BUB1B: variants seen among roughly 807,000 people sequenced by gnomAD.
BUB1B encodes BUB1 mitotic checkpoint serine/threonine kinase B.
BUB1B carries 86 observed loss-of-function variants against 137.7 expected under a neutral mutation model. That is an observed-to-expected ratio of 0.62 (90% CI 0.52 to 0.75). The LOEUF is 0.75. BUB1B is among the 30% of genes least tolerant of loss of function. The pLI is 0.00. For missense variants in BUB1B, 1,130 were observed against 1,236.9 expected, an observed-to-expected ratio of 0.91 and a Z score of 1.30; for synonymous variants, 420 against 417.9, an observed-to-expected ratio of 1.00 and a Z score of -0.06.
chr15:40,199,711 A>G lies in BUB1B; in HGVS notation c.1385A>G (p.Glu462Gly), dbSNP rs1363122158. 6.2e-7 allele frequency: 1 copy of G among 1,613,158 alleles called. No individual in the cohort carries two copies. The highest frequency in any genetic ancestry group is 1.1e-5 in the South Asian group (1 of 91,050). Reference sequence around the variant, plus strand: ...AAAGAAATCCAAACTACTCAGCAAGAAAGAACAGGTGATCAGGTAATTTTT... The same window carrying G: ...AAAGAAATCCAAACTACTCAGCAAGGAAGAACAGGTGATCAGGTAATTTTT... Reference protein sequence around the residue: ...KLKEIQTTQQERTGDQQEETM... With the variant: ...KLKEIQTTQQGRTGDQQEETM... Residue 462 changes from glutamate to glycine, a missense_variant, in exon 10 of 23, where the codon GAA becomes GGA. Glu to Gly is a moderately conservative substitution (Grantham distance 98). Transcript: ENST00000287598.
At chr15:40,202,124 A>C (rs1375528722) in intron 12 of BUB1B, among the ~76,000 whole-genome samples, 2 of 152,140 alleles carry the variant, frequency 1.3e-5, no homozygotes, top group African/African-American at 4.8e-5. Context: ...AAATATTTGC[A>C]GATAAAATGA....
intron 14 of BUB1B, among the ~76,000 whole-genome samples, chr15:40,203,189 T>C (rs994732327): frequency 6.6e-6 from 1 of 152,364 alleles, no homozygotes; most frequent in East Asian, 1.9e-4. Flanking sequence ...CAAAATGTTA[T>C]GTATCCATAC....
At chr15:40,213,582 T>C (rs977823127) in intron 20 of BUB1B, 108 bp downstream of exon 20, 20 of 1,256,374 alleles carry the variant, frequency 1.6e-5, no homozygotes, top group Non-Finnish European at 2.3e-5. Flanking sequence ...GTCACCTAGG[T>C]TGGAGTACAG....
chr15:40,218,466 T>C lies in BUB1B; in HGVS notation c.2861T>C (p.Phe954Ser). 1 of 1,613,110 alleles carries C rather than the reference T, an allele frequency of 6.2e-7. No individual in the cohort carries two copies. The highest frequency in any genetic ancestry group is 8.5e-7 in the Non-Finnish European group (1 of 1,179,156). The change falls in exon 22 of 23, where the codon TTT becomes TCT. Residue 954 changes from phenylalanine to serine, a missense_variant. By Grantham distance (155) the Phe-to-Ser change is radical (BLOSUM62 -2). Coordinates refer to ENST00000287598, the MANE Select transcript of BUB1B (RefSeq NM_001211.6). The stretch of plus-strand genomic sequence containing the variant: ...TTTTTGTGATTTCAGGTAGACCTGT[T>C]TGGTATAGCAGATTTAGCACATTTA... ...NCSSPYQVDL[F>S]GIADLAHLLL...
chr15:40,176,626 G>T lies in BUB1B; in HGVS notation c.534G>T (p.Gly178=). 6.2e-7 allele frequency: 1 copy of T among 1,614,078 alleles called. No homozygotes were observed. Among genetic ancestry groups the T allele is most frequent in the Non-Finnish European group, 8.5e-7 (1 of 1,180,014 alleles). ...FRKADAIFQE[G]IQQKAEPLER... ...AAGCAGATGCGATATTTCAGGAAGG[G>T]ATTCAACAGAAGGCTGAACCACTAG... Residue 178 remains glycine, a synonymous_variant, in exon 5 of 23, where the codon GGG becomes GGT. Transcript: ENST00000287598.
At position 40,213,362 on chromosome 15, in the gene BUB1B, C is replaced by T; in HGVS notation, c.2566C>T (p.His856Tyr). The T allele has an allele frequency of 1.9e-6, 3 of 1,613,760 alleles. No individual in the cohort carries two copies. The highest frequency in any genetic ancestry group is 2.5e-6 in the Non-Finnish European group (3 of 1,179,736). ...TCTCCAACACAGTGAATATATTACC[C>T]ATGAAATAACAGTGTTGATTATTTA... ...DLLQHSEYITHEITVLIIYNL... is the reference protein window; with the variant it reads ...DLLQHSEYITYEITVLIIYNL... The change falls in exon 20 of 23, where the codon CAT becomes TAT. Residue 856 changes from histidine (H) to tyrosine (Y), a missense_variant. By Grantham distance (83) the His-to-Tyr change is moderately conservative. Coordinates refer to ENST00000287598, the MANE Select transcript of BUB1B (RefSeq NM_001211.6).
intron 14 of BUB1B, among the ~76,000 whole-genome samples, chr15:40,204,041 A>G (rs572911689): frequency 8.5e-5 from 13 of 152,340 alleles, no homozygotes; most frequent in Admixed American, 6.5e-4. Context: ...TTTTATATCC[A>G]GTAAACTGCA....
rs765895703 is a variant in BUB1B at position 40,170,173 on chromosome 15, T to C, written c.239+52T>C. On this transcript the variant is annotated intron_variant, in intron 3 of 22. Transcript: ENST00000287598. ...ATAGAAACATTAACAGATAAGTCCTTATGGCCATGTTTCTCAAATTGGGGT... is the reference window on the plus strand; with the variant it reads ...ATAGAAACATTAACAGATAAGTCCTCATGGCCATGTTTCTCAAATTGGGGT... 7 of 1,529,586 alleles carry C rather than the reference T, an allele frequency of 4.6e-6. No homozygotes were observed. In the South Asian group the frequency reaches 7.8e-5, roughly 17 times the overall value. The allele number at this position is 1,529,586 out of a possible 1,614,324, so 94.8% of individuals were successfully genotyped here.
At chr15:40,180,028 C>A (rs569986310) in intron 5 of BUB1B, among the ~76,000 whole-genome samples, 1 of 148,492 alleles carries the variant, frequency 6.7e-6, no homozygotes, top group African/African-American at 2.5e-5. Context: ...TTGTGTTTAC[C>A]CTTTTTTTTG....
At chr15:40,166,832 C>A (rs1224229891) in intron 2 of BUB1B, among the ~76,000 whole-genome samples, 1 of 152,116 alleles carries the variant, frequency 6.6e-6, no homozygotes, top group Non-Finnish European at 1.5e-5. Context: ...TTTAGCCATT[C>A]TAGTTTTGTG....
intron 18 of BUB1B, 56 bp from the exon 19 acceptor site, chr15:40,212,443 G>A: frequency 1.4e-6 from 2 of 1,404,852 alleles, no homozygotes; most frequent in Non-Finnish European, 2.0e-6. Context: ...GTTTCAACCT[G>A]CCAGCCATAA....
In BUB1B at chr15:40,189,524, T is replaced by G. The variant is rs553963615; in HGVS notation, c.1058+3882T>G. On this transcript the variant is annotated intron_variant, in intron 8 of 22. Coordinates refer to ENST00000287598, the MANE Select transcript of BUB1B (RefSeq NM_001211.6). ...TAGTGTTTTCAAGGTTCATCCACGT[T>G]GTGACATGTATCAGTACTTCATTAT... Among the ~76,000 whole-genome samples, 3 of 152,370 alleles carry G rather than the reference T, an allele frequency of 2.0e-5. No individual in the cohort carries two copies. The East Asian group carries it at 5.8e-4, about 29-fold the overall frequency.
At chr15:40,166,765 T>C (rs2037103609) in intron 2 of BUB1B, among the ~76,000 whole-genome samples, 1 of 152,256 alleles carries the variant, frequency 6.6e-6, no homozygotes, top group Non-Finnish European at 1.5e-5. Flanking sequence ...CAGCAACTCA[T>C]GAGAGTTCAT....
chr15:40,192,106 G>A (rs577023923), intron 8 of BUB1B, among the ~76,000 whole-genome samples: 74 of 152,252 alleles, frequency 4.9e-4, no homozygotes, highest in African/African-American at 1.7e-3. Context: ...AAAATATTAA[G>A]TCTTCTGGTC....
Position 40,209,652 on chromosome 15 carries a change from C to T in BUB1B, c.2161C>T (p.Pro721Ser), listed in dbSNP as rs1490559927. 4 of 1,614,128 alleles carry T rather than the reference C, an allele frequency of 2.5e-6. No individual in the cohort carries two copies. The South Asian group carries it at 4.4e-5, about 18-fold the overall frequency. Residue 721 changes from proline to serine, a missense_variant, in exon 17 of 23, where the codon CCA (proline) becomes TCA (serine). Pro to Ser is a moderately conservative substitution (Grantham distance 74). Transcript: ENST00000287598. ...ACTGGCAGAAAACCCTACTCAGTCA[C>T]CATGGTGTTCACAGTATCGCAGACA... ...NETSENPTQS[P>S]WCSQYRRQLL...
intron 8 of BUB1B, among the ~76,000 whole-genome samples, chr15:40,192,983 T>G (rs2140896119): frequency 6.6e-6 from 1 of 152,126 alleles, no homozygotes; most frequent in East Asian, 1.9e-4. Flanking sequence ...CCCTAGTAGC[T>G]GGGACTACAG....
chr15:40,213,681 G>A (rs552149831), intron 20 of BUB1B, among the ~76,000 whole-genome samples: 9 of 152,074 alleles, frequency 5.9e-5, no homozygotes, highest in Admixed American at 2.0e-4. Flanking sequence ...GACCACAGGC[G>A]CGCACCACCA....
At chr15:40,186,393 G>T (rs542982751) in intron 8 of BUB1B, among the ~76,000 whole-genome samples, 2 of 147,746 alleles carry the variant, frequency 1.4e-5, no homozygotes, top group Non-Finnish European at 3.0e-5. Flanking sequence ...AAACAAGCCA[G>T]CCTGAGATTT....
chr15:40,213,461 A>T lies in BUB1B; in HGVS notation c.2665A>T (p.Ile889Phe). The T allele has an allele frequency of 8.1e-6, 13 of 1,614,160 alleles. No homozygotes were observed. The highest frequency in any genetic ancestry group is 1.1e-5 in the Non-Finnish European group (13 of 1,180,024). Residue 889 changes from isoleucine (I) to phenylalanine (F), a missense_variant, in exon 20 of 23, where the codon ATT becomes TTT. Physicochemically the swap from Ile to Phe is conservative, Grantham distance 21. Transcript: ENST00000287598. ...TGGTGACTTGAGTCCAAGGTGTCTG[A>T]TTCTCAGAAACAGGTTGGTCCTTTT... ...VHGDLSPRCLILRNRIHDPYD... is the reference protein window; with the variant it reads ...VHGDLSPRCLFLRNRIHDPYD...
Sources: gnomAD v4.1 joint callset for allele counts (sites outside exome capture counted in the v4.1 genomes callset) on GRCh38, gnomAD v4.1.1 for gene constraint, MANE v1.5 for transcripts, NCBI Gene and HGNC (gene_info 2026-07-23, HGNC 2026-07-21) for gene names.